Variants in DNAJC2 observed in about 807,000 individuals in gnomAD.
DNAJC2 encodes dnaJ homolog subfamily C member 2.
DNAJC2 carries 32 observed loss-of-function variants against 94.0 expected under a neutral mutation model. That is an observed-to-expected ratio of 0.34 (90% CI 0.26 to 0.46). The LOEUF (loss-of-function observed/expected upper bound fraction) is 0.46, where lower values mean the gene tolerates loss of function less well. Among genes scored for constraint, DNAJC2 ranks in the 20% least tolerant of loss-of-function variants. The pLI is 1.00. For missense variants in DNAJC2, 550 were observed against 719.5 expected (o/e 0.76, Z 2.69); for synonymous variants, 210 against 229.7 (o/e 0.91, Z 0.77).
intron 3 of DNAJC2, chr7:103,337,397 T>A (rs1264503030): frequency 5.6e-6 from 1 of 177,506 alleles, no homozygotes; most frequent in South Asian, 1.9e-4. Flanking sequence ...CAAAAAACAA[T>A]AAAAAGGCAG....
At chr7:103,329,046 C>T (rs533650965) in intron 3 of DNAJC2, 40 of 1,198,474 alleles carry the variant, frequency 3.3e-5, no homozygotes, top group South Asian at 2.1e-4. Flanking sequence ...AGCCACAGTA[C>T]GTCTAATTAT....
At chr7:103,324,139 G>A (rs1003289997) in intron 6 of DNAJC2, among the ~76,000 whole-genome samples, 3 of 152,104 alleles carry the variant, frequency 2.0e-5, no homozygotes, top group Admixed American at 6.5e-5. Flanking sequence ...TAACTATTGC[G>A]CATATTAAAA....
intron 12 of DNAJC2, among the ~76,000 whole-genome samples, chr7:103,319,369 G>A (rs1341418781): frequency 6.6e-6 from 1 of 152,098 alleles, no homozygotes; most frequent in Non-Finnish European, 1.5e-5. Flanking sequence ...CCCGGGAGGC[G>A]GAGGTTGTAG....
chr7:103,337,877 C>T lies in DNAJC2; in HGVS notation c.256-66G>A, dbSNP rs1401475185. 16 of 1,169,814 alleles carry T rather than the reference C, an allele frequency of 1.4e-5. No homozygotes were observed. The Admixed American group carries it at 3.0e-4, about 22-fold the overall frequency. The allele number at this position is 1,169,814 out of a possible 1,614,324, so 72.5% of individuals were successfully genotyped here. A position where few individuals can be genotyped will look rare whatever the true frequency, so the allele number is the denominator to read the frequency against. On this transcript the variant is annotated intron_variant, in intron 2 of 16. Transcript: ENST00000379263. ...GCCAATATATTCCATCCCTTGTGTT[C>T]TGGTACCTTAATAAGCATTTCCCAA...
At chr7:103,331,191 C>G (rs956339421) in intron 3 of DNAJC2, among the ~76,000 whole-genome samples, 2 of 152,158 alleles carry the variant, frequency 1.3e-5, no homozygotes, top group Non-Finnish European at 2.9e-5. Context: ...CTCCTGACCT[C>G]AAGTGATCCG....
intron 3 of DNAJC2, chr7:103,337,432 C>G (rs941023363): frequency 8.3e-6 from 2 of 240,434 alleles, no homozygotes; most frequent in South Asian, 9.7e-5. Flanking sequence ...AGCTGCTATA[C>G]TTCTAAAGAG....
chr7:103,321,431 T>C (rs1818404387), intron 10 of DNAJC2, among the ~76,000 whole-genome samples: 1 of 151,022 alleles, frequency 6.6e-6, no homozygotes, highest in Non-Finnish European at 1.5e-5. Context: ...GGCAGGAGAG[T>C]TGCTTGAACC....
chr7:103,316,230 T>A, intron 13 of DNAJC2, 142 bp from the exon 14 acceptor site: 1 of 478,470 alleles, frequency 2.1e-6, no homozygotes, highest in Non-Finnish European at 3.6e-6. Context: ...ATGCTGCTAC[T>A]ATAAATTCCT....
At chr7:103,317,054 G>A in intron 12 of DNAJC2, 40 bp from the exon 13 acceptor site, 1 of 1,539,448 alleles carries the variant, frequency 6.5e-7, no homozygotes, top group Non-Finnish European at 8.9e-7. Context: ...GAAGTATACT[G>A]TATTGCTATT....
chr7:103,344,701 C>T lies in DNAJC2; in HGVS notation c.-79G>A. On this transcript the variant is annotated 5_prime_UTR_variant, in exon 1 of 17. Transcript: ENST00000379263. ...GCGCTTAGGGTCCCCTCCAGCTCTA[C>T]CTCTCACTCCGAGCCTCGCGCCTTG... The T allele has an allele frequency of 1.4e-6, 2 of 1,459,146 alleles. No homozygotes were observed. The highest frequency in any genetic ancestry group is 2.3e-5 in the East Asian group (1 of 44,002). The allele number at this position is 1,459,146 out of a possible 1,614,324, so 90.4% of individuals were successfully genotyped here. A position where few individuals can be genotyped will look rare whatever the true frequency, so the allele number is the denominator to read the frequency against.
intron 12 of DNAJC2, among the ~76,000 whole-genome samples, chr7:103,318,960 A>G (rs530350718): frequency 3.9e-5 from 6 of 152,252 alleles, no homozygotes; most frequent in African/African-American, 1.2e-4. Context: ...GCTCATGCCT[A>G]TAATCCTTTG....
At chr7:103,333,558 A>C (rs1245624999) in intron 3 of DNAJC2, among the ~76,000 whole-genome samples, 1 of 152,256 alleles carries the variant, frequency 6.6e-6, no homozygotes, top group African/African-American at 2.4e-5. Context: ...CATTAAGTTC[A>C]GTGAGTTCTG....
At chr7:103,329,160 C>G (rs535678519) in intron 3 of DNAJC2, 3 of 339,658 alleles carry the variant, frequency 8.8e-6, no homozygotes, top group African/African-American at 6.6e-5. Flanking sequence ...CTCTGTGTGT[C>G]ACTTACAATT....
chr7:103,315,693 C>CT (rs1818008740), intron 15 of DNAJC2, 71 bp downstream of exon 15: 1 of 1,014,640 alleles, frequency 9.9e-7, no homozygotes, highest in African/African-American at 1.6e-5. Flanking sequence ...AACATAGACC[C>CT]TAAGTCTTGT....
intron 3 of DNAJC2, among the ~76,000 whole-genome samples, chr7:103,328,199 G>A (rs574722532): frequency 2.2e-5 from 3 of 137,870 alleles, no homozygotes; most frequent in East Asian, 3.9e-4. Flanking sequence ...TGGGATTACA[G>A]GTGTGAGCCA....
intron 3 of DNAJC2, among the ~76,000 whole-genome samples, chr7:103,331,749 T>C (rs554589362): frequency 6.6e-6 from 1 of 152,316 alleles, no homozygotes; most frequent in South Asian, 2.1e-4. Context: ...TATCAACTAG[T>C]CTGCTGATGG....
Position 103,332,121 on chromosome 7 carries a change from C to T in DNAJC2, c.332-4367G>A, listed in dbSNP as rs1375072097. 2.0e-5 allele frequency among the ~76,000 whole-genome samples: 3 copies of T among 152,016 alleles called. No homozygotes were observed. The East Asian group carries it at 5.8e-4, about 29-fold the overall frequency. Reference sequence around the variant, plus strand: ...TCGGGTTCATGCCATTCTCCTGCCTCAGCCTCCCGAGTAGCTGGGACTACA... The same window carrying T: ...TCGGGTTCATGCCATTCTCCTGCCTTAGCCTCCCGAGTAGCTGGGACTACA... On this transcript the variant is annotated intron_variant, in intron 3 of 16. Transcript: ENST00000379263.
rs1408064299 is a variant in DNAJC2, at chr7:103,341,845, C to T, written c.174G>A (p.Glu58=). 3 of 1,612,854 alleles carry T rather than the reference C, an allele frequency of 1.9e-6. No individual in the cohort carries two copies. The highest frequency in any genetic ancestry group is 1.1e-5 in the South Asian group (1 of 90,692). ...ASFQELEDKK[E]LSEESEDEEL... ...CTTCATCTTCTGATTCCTCGGATAA[C>T]TCTTTCTTATCCTCCAGTTCCTGAA... is the stretch of plus-strand genomic sequence containing the variant. Residue 58 remains glutamate, a synonymous_variant, in exon 2 of 17, where the codon GAG becomes GAA. Transcript: ENST00000379263.
chr7:103,316,566 T>A, intron 13 of DNAJC2: 1 of 411,922 alleles, frequency 2.4e-6, no homozygotes, highest in Admixed American at 4.1e-5. Context: ...CATGACAGAG[T>A]AAGCCAACAT....
Sources: allele counts gnomAD v4.1 joint callset (sites outside exome capture counted in the v4.1 genomes callset), GRCh38; gene constraint gnomAD v4.1.1; transcripts MANE v1.5; gene names NCBI Gene and HGNC (gene_info 2026-07-23, HGNC 2026-07-21).